The following NKAIN2 variants were observed in gnomAD, a reference collection of about 807,000 sequenced individuals.
The protein encoded by NKAIN2 is sodium/potassium-transporting ATPase subunit beta-1-interacting protein 2.
NKAIN2 carries 14 observed loss-of-function variants against 32.6 expected under a neutral mutation model. That is an observed-to-expected ratio of 0.43 (90% CI 0.28 to 0.67). NKAIN2 has a LOEUF of 0.67. Ranked by LOEUF, NKAIN2 falls within the 30% of genes least tolerant of loss-of-function variation. The pLI is 0.17. For missense variants in NKAIN2, 198 were observed against 258.3 expected (o/e 0.77, Z 1.60); for synonymous variants, 80 against 87.2 (o/e 0.92, Z 0.46).
At chr6:124,411,551 G>C (rs1315197730) in intron 3 of NKAIN2, among the ~76,000 whole-genome samples, 2 of 152,250 alleles carry the variant, frequency 1.3e-5, no homozygotes, top group Non-Finnish European at 2.9e-5. Context: ...TGAGAGATCA[G>C]CTGTTAGTCT....
At chr6:124,658,651 C>G in intron 4 of NKAIN2, 2 of 796,372 alleles carry the variant, frequency 2.5e-6, no homozygotes, top group Non-Finnish European at 3.7e-6. Flanking sequence ...GATGTGATTA[C>G]GTGACTTTTG....
intron 1 of NKAIN2, among the ~76,000 whole-genome samples, chr6:124,008,669 G>T (rs1170177903): frequency 6.6e-6 from 1 of 152,060 alleles, no homozygotes; most frequent in African/African-American, 2.4e-5. Flanking sequence ...TGATCTTCTT[G>T]CTTCTAAAGG....
intron 1 of NKAIN2, among the ~76,000 whole-genome samples, chr6:123,811,158 T>C (rs1206812140): frequency 6.6e-6 from 1 of 152,226 alleles, no homozygotes; most frequent in Non-Finnish European, 1.5e-5. Context: ...AAATTCTTCC[T>C]ATGGCCTTCT....
chr6:124,441,752 C>G (rs1327201986), intron 3 of NKAIN2, among the ~76,000 whole-genome samples: 1 of 152,028 alleles, frequency 6.6e-6, no homozygotes, highest in African/African-American at 2.4e-5. Context: ...TTTTAAGCCA[C>G]TAGAGATGGT....
At chr6:124,174,901 CT>C (rs1046556784) in intron 1 of NKAIN2, among the ~76,000 whole-genome samples, 21 of 152,230 alleles carry the variant, frequency 1.4e-4, no homozygotes, top group Middle Eastern at 3.4e-3. Flanking sequence ...GTCCCTCTAG[CT>C]CCTTTTTGAC....
intron 3 of NKAIN2, among the ~76,000 whole-genome samples, chr6:124,579,072 C>T (rs1781434127): frequency 6.6e-6 from 1 of 152,122 alleles, no homozygotes; most frequent in Non-Finnish European, 1.5e-5. Flanking sequence ...CTGCAGTGAT[C>T]AAAAACTTAG....
chr6:124,239,459 G>A (rs999768621), intron 1 of NKAIN2, among the ~76,000 whole-genome samples: 6 of 151,970 alleles, frequency 3.9e-5, no homozygotes, highest in African/African-American at 9.6e-5. Flanking sequence ...TCAGCACCAC[G>A]TCACACTTAT....
chr6:124,282,524 T>C (rs713215), intron 1 of NKAIN2, among the ~76,000 whole-genome samples: 28,709 of 152,114 alleles, frequency 0.19, 2,956 homozygotes, highest in East Asian at 0.27. Flanking sequence ...AGACTCACGT[T>C]CAGAAATCTT....
At chr6:124,756,888 T>G (rs1457748045) in intron 4 of NKAIN2, among the ~76,000 whole-genome samples, 1 of 152,142 alleles carries the variant, frequency 6.6e-6, no homozygotes, top group East Asian at 1.9e-4. Flanking sequence ...CATATTTAAG[T>G]GTTAGAAGAC....
chr6:124,165,010 A>G (rs1274211294), intron 1 of NKAIN2, among the ~76,000 whole-genome samples: 1 of 152,058 alleles, frequency 6.6e-6, no homozygotes, highest in African/African-American at 2.4e-5. Flanking sequence ...ACAATCTTGT[A>G]GGGTTTTAGA....
intron 1 of NKAIN2, among the ~76,000 whole-genome samples, chr6:124,209,486 C>A (rs764714179): frequency 6.6e-6 from 1 of 151,718 alleles, no homozygotes; most frequent in Non-Finnish European, 1.5e-5. Flanking sequence ...ATTTCTGGAT[C>A]GTATGTTAGT....
chr6:123,923,236 C>T (rs982182725), intron 1 of NKAIN2, among the ~76,000 whole-genome samples: 3 of 152,178 alleles, frequency 2.0e-5, no homozygotes, highest in Non-Finnish European at 4.4e-5. Context: ...TGACTTCACT[C>T]ACTTATTTTG....
chr6:124,533,156 G>A (rs1010073424), intron 3 of NKAIN2, among the ~76,000 whole-genome samples: 3 of 152,032 alleles, frequency 2.0e-5, no homozygotes, highest in East Asian at 1.9e-4. Context: ...TAGTTACCAC[G>A]TTTACTTGGT....
intron 1 of NKAIN2, among the ~76,000 whole-genome samples, chr6:123,811,901 T>A (rs1170668722): frequency 6.6e-6 from 1 of 151,134 alleles, no homozygotes; most frequent in African/African-American, 2.4e-5. Flanking sequence ...ATGCGCCTGA[T>A]ATACGTACTT....
chr6:124,380,949 C>T lies in NKAIN2; in HGVS notation c.273+25602C>T, dbSNP rs529943482. 1.4e-4 allele frequency among the ~76,000 whole-genome samples: 21 copies of T among 152,218 alleles called. No homozygotes were observed. In the East Asian group the frequency reaches 3.9e-3, roughly 28 times the overall value. On this transcript the variant is annotated intron_variant, in intron 3 of 6. Coordinates refer to ENST00000368417, the MANE Select transcript of NKAIN2 (RefSeq NM_001040214.3). Reference sequence around the variant, plus strand: ...ACCTTTAAAAGACTACCACTTGTATCGAAGTGTAACTTCAAAGAAGACTAT... The same window carrying T: ...ACCTTTAAAAGACTACCACTTGTATTGAAGTGTAACTTCAAAGAAGACTAT...
At chr6:123,974,657 C>G (rs1214755000) in intron 1 of NKAIN2, among the ~76,000 whole-genome samples, 1 of 152,112 alleles carries the variant, frequency 6.6e-6, no homozygotes. Context: ...ATGTGCTTTT[C>G]AGAGTAATAA....
At chr6:124,358,081 T>C (rs1015100439) in intron 3 of NKAIN2, among the ~76,000 whole-genome samples, 10 of 152,172 alleles carry the variant, frequency 6.6e-5, no homozygotes, top group African/African-American at 2.4e-4. Flanking sequence ...CAGCTTCATC[T>C]ATGTCCCTAC....
chr6:123,969,173 G>C (rs1473681253), intron 1 of NKAIN2, among the ~76,000 whole-genome samples: 6 of 152,180 alleles, frequency 3.9e-5, no homozygotes, highest in East Asian at 1.9e-4. Flanking sequence ...TCAGGTTTTT[G>C]CTCACTTTCC....
intron 3 of NKAIN2, among the ~76,000 whole-genome samples, chr6:124,413,411 A>G (rs978037584): frequency 2.6e-5 from 4 of 151,772 alleles, no homozygotes; most frequent in African/African-American, 9.7e-5. Context: ...GGTCTATTTG[A>G]TCTCACTGAT....
Sources: gnomAD v4.1 joint callset for allele counts (sites outside exome capture counted in the v4.1 genomes callset) on GRCh38, gnomAD v4.1.1 for gene constraint, MANE v1.5 for transcripts, NCBI Gene and HGNC (gene_info 2026-07-23, HGNC 2026-07-21) for gene names.